The following HECW2 variants were observed in gnomAD, a reference collection of about 807,000 sequenced individuals.
HECW2 encodes E3 ubiquitin-protein ligase HECW2.
A neutral mutation model predicts 175.2 loss-of-function variants in HECW2; 61 were observed. The ratio of observed to expected loss-of-function variants is 0.35; its 90% CI spans 0.28 to 0.43. The LOEUF (loss-of-function observed/expected upper bound fraction) is 0.43. Among genes scored for constraint, HECW2 ranks in the 20% least tolerant of loss-of-function variants. The pLI is 1.00. For missense variants in HECW2, 1,524 were observed against 2,000.5 expected (o/e 0.76, Z 4.54); for synonymous variants, 671 against 731.0 (o/e 0.92, Z 1.32).
chr2:196,451,690 A>C (rs938943176), intron 1 of HECW2, among the ~76,000 whole-genome samples: 5 of 152,028 alleles, frequency 3.3e-5, no homozygotes, highest in African/African-American at 1.2e-4. Flanking sequence ...ACTGAGGTCA[A>C]GAGTTTGAGA....
At chr2:196,554,921 C>T (rs1689743101) in intron 1 of HECW2, among the ~76,000 whole-genome samples, 1 of 152,146 alleles carries the variant, frequency 6.6e-6, no homozygotes, top group South Asian at 2.1e-4. Flanking sequence ...AAAATCCCTG[C>T]ACGGGACAAC....
chr2:196,511,403 C>T (rs1213633175), intron 1 of HECW2, among the ~76,000 whole-genome samples: 2 of 152,116 alleles, frequency 1.3e-5, no homozygotes, highest in African/African-American at 4.8e-5. Flanking sequence ...TTGTGTACTG[C>T]AGAGGTACAA....
intron 2 of HECW2, among the ~76,000 whole-genome samples, chr2:196,393,162 A>C (rs959901666): frequency 1.3e-5 from 2 of 152,244 alleles, no homozygotes; most frequent in Non-Finnish European, 2.9e-5. Context: ...TGGATTAAAG[A>C]CTTAAACATT....
intron 2 of HECW2, among the ~76,000 whole-genome samples, chr2:196,350,554 A>C (rs535963230): frequency 1.3e-5 from 2 of 152,314 alleles, no homozygotes; most frequent in East Asian, 3.9e-4. Flanking sequence ...GAAGTTGAGC[A>C]ATCACAGCAA....
At chr2:196,356,442 T>A (rs1693371270) in intron 2 of HECW2, among the ~76,000 whole-genome samples, 1 of 152,216 alleles carries the variant, frequency 6.6e-6, no homozygotes, top group South Asian at 2.1e-4. Context: ...TTAGATTGTG[T>A]ACATTCTGAG....
chr2:196,292,743 T>C lies in HECW2; in HGVS notation c.2822A>G (p.Tyr941Cys), dbSNP rs761296749. The change falls in exon 14 of 29, where the codon TAC becomes TGC. Residue 941 changes from tyrosine to cysteine, a missense_variant. Physicochemically the swap from Tyr to Cys is radical, Grantham distance 194. Coordinates refer to ENST00000644978, the MANE Select transcript of HECW2 (RefSeq NM_001348768.2). ...FTVLHSNPSA[Y>C]RMFTNNTCLK... ...ACACGTGTTGTTTGTAAACATGCGG[T>C]AGGCACTCTAAAGAAAAGAATGGAG... 4.1e-5 allele frequency: 66 copies of C among 1,611,110 alleles called. No homozygotes were observed. Among genetic ancestry groups the C allele is most frequent in the Non-Finnish European group, 5.4e-5 (64 of 1,177,700 alleles).
At chr2:196,530,745 A>G (rs1307415383) in intron 1 of HECW2, among the ~76,000 whole-genome samples, 1 of 152,224 alleles carries the variant, frequency 6.6e-6, no homozygotes, top group Non-Finnish European at 1.5e-5. Context: ...CAAGGACCCT[A>G]TGGAGGTATC....
At chr2:196,302,123 C>T (rs1279489515) in intron 13 of HECW2, among the ~76,000 whole-genome samples, 5 of 152,186 alleles carry the variant, frequency 3.3e-5, no homozygotes, top group Non-Finnish European at 5.9e-5. Context: ...TCTCCCACCA[C>T]CACTTATTAA....
At chr2:196,209,225 C>T (rs1193507844) in intron 28 of HECW2, among the ~76,000 whole-genome samples, 1 of 152,190 alleles carries the variant, frequency 6.6e-6, no homozygotes, top group Non-Finnish European at 1.5e-5. Context: ...TCAGCAGCAA[C>T]AATGCTGATG....
intron 7 of HECW2, among the ~76,000 whole-genome samples, chr2:196,321,125 G>A (rs1691924739): frequency 6.6e-6 from 1 of 152,212 alleles, no homozygotes; most frequent in South Asian, 2.1e-4. Flanking sequence ...GCCTATCACT[G>A]ATTCTCAGGG....
intron 5 of HECW2, 49 bp from the exon 6 acceptor site, chr2:196,325,198 G>A (rs1389142761): frequency 2.1e-6 from 3 of 1,411,508 alleles, no homozygotes; most frequent in African/African-American, 1.4e-5. Context: ...AAAGCAGGAG[G>A]GAGGGAGGAA....
At chr2:196,340,227 C>A (rs978585968) in intron 3 of HECW2, among the ~76,000 whole-genome samples, 2 of 152,106 alleles carry the variant, frequency 1.3e-5, no homozygotes, top group African/African-American at 2.4e-5. Flanking sequence ...AAGTTCCATG[C>A]AATCAGCTCC....
At chr2:196,368,371 C>T (rs188007533) in intron 2 of HECW2, among the ~76,000 whole-genome samples, 16 of 152,248 alleles carry the variant, frequency 1.1e-4, no homozygotes, top group South Asian at 2.1e-4. Flanking sequence ...GTCCATTGTA[C>T]GTTGTTTCTT....
chr2:196,248,848 T>G (rs1688754691), intron 19 of HECW2, among the ~76,000 whole-genome samples: 1 of 152,078 alleles, frequency 6.6e-6, no homozygotes, highest in African/African-American at 2.4e-5. Context: ...AAGACAATCT[T>G]TAGTAAAGAC....
chr2:196,485,833 T>A (rs189598212), intron 1 of HECW2, among the ~76,000 whole-genome samples: 9 of 152,092 alleles, frequency 5.9e-5, no homozygotes, highest in Admixed American at 5.9e-4. Flanking sequence ...AAAAATGTGA[T>A]CAAAAGTGTG....
intron 13 of HECW2, among the ~76,000 whole-genome samples, chr2:196,294,238 A>G (rs1236251460): frequency 2.6e-5 from 4 of 152,240 alleles, no homozygotes; most frequent in African/African-American, 9.6e-5. Flanking sequence ...TATTTATTGC[A>G]TAATACCATG....
At chr2:196,274,622 G>A (rs905381435) in intron 15 of HECW2, among the ~76,000 whole-genome samples, 3 of 152,172 alleles carry the variant, frequency 2.0e-5, no homozygotes, top group Non-Finnish European at 4.4e-5. Flanking sequence ...GTGGGGTTTC[G>A]AGTTAGTGTA....
intron 2 of HECW2, among the ~76,000 whole-genome samples, chr2:196,376,413 A>T (rs1253764285): frequency 6.7e-6 from 1 of 149,910 alleles, no homozygotes; most frequent in African/African-American, 2.5e-5. Flanking sequence ...GATGAATCAC[A>T]ACGTCAGGAG....
At chr2:196,277,186 C>A (rs1325008532) in intron 15 of HECW2, among the ~76,000 whole-genome samples, 2 of 151,864 alleles carry the variant, frequency 1.3e-5, no homozygotes, top group African/African-American at 4.8e-5. Context: ...AAGGTTTGTT[C>A]TTTTTTTTGG....
Sources: gnomAD v4.1 joint callset for allele counts (sites outside exome capture counted in the v4.1 genomes callset) on GRCh38, gnomAD v4.1.1 for gene constraint, MANE v1.5 for transcripts, NCBI Gene and HGNC (gene_info 2026-07-23, HGNC 2026-07-21) for gene names.